Variants in ITGA8 observed in about 807,000 individuals in gnomAD.
ITGA8 encodes integrin subunit alpha 8.
Under a neutral mutation model 142.3 loss-of-function variants are expected in ITGA8, and 91 were observed. The observed-to-expected ratio is 0.64, with a 90% CI of 0.54 to 0.76. The LOEUF is 0.76. Among genes scored for constraint, ITGA8 ranks in the 30% least tolerant of loss-of-function variants. The pLI is 0.00. For missense variants in ITGA8, 1,406 were observed against 1,327.7 expected, an observed-to-expected ratio of 1.06 and a Z score of -0.92; for synonymous variants, 505 against 485.2, an observed-to-expected ratio of 1.04 and a Z score of -0.54.
intron 4 of ITGA8, among the ~76,000 whole-genome samples, chr10:15,681,378 A>G (rs116576074): frequency 1.2e-3 from 177 of 152,250 alleles, no homozygotes; most frequent in African/African-American, 4.1e-3. Context: ...GGATGTGAAA[A>G]CTGTGGCTAT....
intron 5 of ITGA8, 152 bp from the exon 6 acceptor site, chr10:15,677,789 T>C (rs1459734707): frequency 6.9e-6 from 4 of 578,256 alleles, no homozygotes; most frequent in Non-Finnish European, 1.2e-5. Flanking sequence ...AGGCCTGCAG[T>C]TCATTTTCTT....
At chr10:15,683,201 C>A (rs1320137895) in intron 4 of ITGA8, among the ~76,000 whole-genome samples, 4 of 151,980 alleles carry the variant, frequency 2.6e-5, no homozygotes. Flanking sequence ...TCAACAAATC[C>A]TAGTGATCTA....
intron 27 of ITGA8, among the ~76,000 whole-genome samples, chr10:15,544,978 C>T (rs527844400): frequency 2.7e-4 from 41 of 152,180 alleles, no homozygotes; most frequent in Admixed American, 3.3e-4. Context: ...CTCAAGCCTT[C>T]AGATGACTAC....
At chr10:15,623,683 C>T (rs2131626401) in intron 13 of ITGA8, among the ~76,000 whole-genome samples, 1 of 152,048 alleles carries the variant, frequency 6.6e-6, no homozygotes, top group East Asian at 1.9e-4. Flanking sequence ...GAGACTCCAT[C>T]TCAATAAATA....
intron 1 of ITGA8, 46 bp from the exon 2 acceptor site, chr10:15,718,945 G>C (rs543307251): frequency 6.2e-7 from 1 of 1,612,990 alleles, no homozygotes; most frequent in Non-Finnish European, 8.5e-7. Context: ...CCACAAAACC[G>C]TGCGCATGCA....
chr10:15,691,551 G>A (rs919145855), intron 2 of ITGA8, among the ~76,000 whole-genome samples: 1 of 152,138 alleles, frequency 6.6e-6, no homozygotes, highest in Admixed American at 6.5e-5. Flanking sequence ...ATGAACCTGA[G>A]GATATCATGC....
intron 2 of ITGA8, among the ~76,000 whole-genome samples, chr10:15,711,747 G>A (rs897705089): frequency 6.6e-6 from 1 of 151,908 alleles, no homozygotes; most frequent in Non-Finnish European, 1.5e-5. Context: ...ACTTATTTTT[G>A]TAATCTATAC....
intron 28 of ITGA8, among the ~76,000 whole-genome samples, chr10:15,523,890 C>A (rs990479328): frequency 2.6e-5 from 4 of 152,090 alleles, no homozygotes; most frequent in Admixed American, 2.6e-4. Flanking sequence ...CAAGATCGCA[C>A]CACTGCACTC....
rs767487961 is a variant in ITGA8 at position 15,592,341 on chromosome 10, T to C, written c.2212-37A>G. ...AATAAAATCACACAAGAGTAGCTTG[T>C]ACACAACATAAAAATATTTTGTAAG... is the stretch of plus-strand genomic sequence containing the variant. On this transcript the variant is annotated intron_variant, in intron 21 of 29. Transcript: ENST00000378076. 8.4e-5 allele frequency: 121 copies of C among 1,441,118 alleles called. 1 individual carries two copies. Among genetic ancestry groups the C allele is most frequent in the Admixed American group, 1.7e-5 (1 of 57,160 alleles). The allele number at this position is 1,441,118 out of a possible 1,614,324, so 89.3% of individuals were successfully genotyped here.
At chr10:15,621,414 G>C (rs1394674242) in intron 13 of ITGA8, among the ~76,000 whole-genome samples, 11 of 152,200 alleles carry the variant, frequency 7.2e-5, no homozygotes, top group Admixed American at 7.2e-4. Context: ...TGAGGTCATA[G>C]GAGATGCATT....
intron 27 of ITGA8, among the ~76,000 whole-genome samples, chr10:15,532,978 C>A (rs118081793): frequency 6.6e-6 from 1 of 152,132 alleles, no homozygotes. Context: ...CTCTTCCCAG[C>A]TCTGTATTCC....
chr10:15,619,362 C>T (rs186396723), intron 13 of ITGA8, among the ~76,000 whole-genome samples: 66 of 152,264 alleles, frequency 4.3e-4, no homozygotes, highest in East Asian at 1.4e-3. Context: ...GTTTTATGGA[C>T]ACAGAATCAG....
At chr10:15,690,020 ACT>A (rs1834903575) in intron 2 of ITGA8, among the ~76,000 whole-genome samples, 1 of 151,698 alleles carries the variant, frequency 6.6e-6, no homozygotes, top group Non-Finnish European at 1.5e-5. Flanking sequence ...GGCAGCTGTG[ACT>A]CTGCACTCGA....
intron 13 of ITGA8, among the ~76,000 whole-genome samples, chr10:15,623,167 T>G (rs1333190143): frequency 6.6e-6 from 1 of 152,160 alleles, no homozygotes; most frequent in Non-Finnish European, 1.5e-5. Context: ...TTAAATATAA[T>G]TGCCTCCTTT....
At chr10:15,556,385 C>T (rs1181524310) in intron 26 of ITGA8, among the ~76,000 whole-genome samples, 1 of 151,984 alleles carries the variant, frequency 6.6e-6, no homozygotes, top group Non-Finnish European at 1.5e-5. Context: ...GTCACTGTGG[C>T]CTTTGATTCA....
At position 15,575,518 on chromosome 10, in the gene ITGA8, C is replaced by T; in HGVS notation, c.2449G>A (p.Val817Ile). The change falls in exon 24 of 30, where the codon GTT (valine) becomes ATT (isoleucine). Residue 817 changes from valine (V) to isoleucine (I), a missense_variant. Physicochemically the swap from Val to Ile is conservative, Grantham distance 29. Coordinates refer to ENST00000378076, the MANE Select transcript of ITGA8 (RefSeq NM_003638.3). Reference sequence around the variant, plus strand: ...TAAATATGTTCCACCAATGGTCCAACCTCCTCCTCTTTGTGGGGCTCCTCT... The same window carrying T: ...TAAATATGTTCCACCAATGGTCCAATCTCCTCCTCTTTGTGGGGCTCCTCT... ...PEEEPHKEEEVGPLVEHIYEL... is the reference protein window; with the variant it reads ...PEEEPHKEEEIGPLVEHIYEL... The T allele has an allele frequency of 1.2e-6, 2 of 1,613,930 alleles. No individual in the cohort carries two copies. The highest frequency in any genetic ancestry group is 1.7e-6 in the Non-Finnish European group (2 of 1,179,820).
intron 2 of ITGA8, among the ~76,000 whole-genome samples, chr10:15,713,635 A>G (rs1381011182): frequency 6.6e-6 from 1 of 152,136 alleles, no homozygotes; most frequent in Non-Finnish European, 1.5e-5. Context: ...CAACCCTCAC[A>G]TGAGAAAAAG....
chr10:15,655,315 A>G (rs1047016554), intron 11 of ITGA8, 39 bp downstream of exon 11: 3 of 1,253,686 alleles, frequency 2.4e-6, no homozygotes, highest in Non-Finnish European at 3.5e-6. Flanking sequence ...TTATGGATGA[A>G]TGTAATATAT....
At chr10:15,532,346 G>A (rs1456097818) in intron 27 of ITGA8, among the ~76,000 whole-genome samples, 1 of 149,024 alleles carries the variant, frequency 6.7e-6, no homozygotes, top group Non-Finnish European at 1.5e-5. Flanking sequence ...TTGAACCTGG[G>A]AGGCGGAGGT....
Sources: allele counts gnomAD v4.1 joint callset (sites outside exome capture counted in the v4.1 genomes callset), GRCh38; gene constraint gnomAD v4.1.1; transcripts MANE v1.5; gene names NCBI Gene and HGNC (gene_info 2026-07-23, HGNC 2026-07-21).